SH3TC2: variants seen among roughly 807,000 people sequenced by gnomAD.
The protein encoded by SH3TC2 is SH3 domain and tetratricopeptide repeats 2.
A neutral mutation model predicts 124.5 loss-of-function variants in SH3TC2; 87 were observed. The ratio of observed to expected loss-of-function variants is 0.70; its 90% confidence interval spans 0.59 to 0.84. The LOEUF (loss-of-function observed/expected upper bound fraction) is 0.84, where lower values mean the gene tolerates loss of function less well. SH3TC2 is among the 40% of genes least tolerant of loss of function. The pLI, the probability that SH3TC2 is intolerant of heterozygous loss-of-function variation, is 0.00. For synonymous variants in SH3TC2, 634 were observed against 628.5 expected (o/e 1.01, Z -0.13); for missense variants, 1,536 against 1,566.4 (o/e 0.98, Z 0.33).
At chr5:149,041,149 G>A (rs569693132) in intron 6 of SH3TC2, among the ~76,000 whole-genome samples, 2 of 152,286 alleles carry the variant, frequency 1.3e-5, no homozygotes, top group East Asian at 1.9e-4. Flanking sequence ...TCCATACATG[G>A]AGAAACACTA....
intron 1 of SH3TC2, among the ~76,000 whole-genome samples, chr5:149,059,828 G>C (rs1430427254): frequency 6.6e-6 from 1 of 152,018 alleles, no homozygotes; most frequent in Admixed American, 6.6e-5. Flanking sequence ...AGATATCCAG[G>C]GGCCCCTAAG....
rs1205700907 is a variant in SH3TC2, at chr5:149,027,164, G to C, written c.2568C>G (p.Ala856=). The C allele has an allele frequency of 6.2e-7, 1 of 1,614,186 alleles. No homozygotes were observed. The highest frequency in any genetic ancestry group is 1.1e-5 in the South Asian group (1 of 91,084). Residue 856 remains alanine, a synonymous_variant, in exon 11 of 17, where the codon GCC becomes GCG. Transcript: ENST00000515425. ...TGTTCAAGGCCCGAAGATAGCTCTTGGCTGCCCTGTTCACCCGGCCTTCAC... is the reference window on the plus strand; with the variant it reads ...TGTTCAAGGCCCGAAGATAGCTCTTCGCTGCCCTGTTCACCCGGCCTTCAC... The part of the protein sequence containing the change: ...LQGEGRVNRA[A]KSYLRALNRA...
At chr5:149,012,549 T>C in intron 13 of SH3TC2, 35 bp downstream of exon 13, 1 of 1,613,782 alleles carries the variant, frequency 6.2e-7, no homozygotes, top group Non-Finnish European at 8.5e-7. Flanking sequence ...ATGATCCAAG[T>C]CAACAACTCC....
intron 1 of SH3TC2, among the ~76,000 whole-genome samples, chr5:149,060,855 A>G (rs1754734423): frequency 6.6e-6 from 1 of 152,246 alleles, no homozygotes; most frequent in Non-Finnish European, 1.5e-5. Flanking sequence ...TACAGTTTAC[A>G]GCCAGGAAAA....
chr5:149,059,271 A>G (rs1349470130), intron 1 of SH3TC2, among the ~76,000 whole-genome samples: 1 of 152,106 alleles, frequency 6.6e-6, no homozygotes, highest in South Asian at 2.1e-4. Context: ...ATGGGTAGGA[A>G]TGGGTAGGGA....
At chr5:149,030,645 C>T (rs561610011) in intron 9 of SH3TC2, among the ~76,000 whole-genome samples, 36 of 152,378 alleles carry the variant, frequency 2.4e-4, no homozygotes, top group Admixed American at 9.1e-4. Flanking sequence ...ATGCCTGAGG[C>T]ATGTGCTTTC....
intron 2 of SH3TC2, among the ~76,000 whole-genome samples, chr5:149,050,200 T>C (rs1754533361): frequency 6.6e-6 from 1 of 152,234 alleles, no homozygotes; most frequent in Non-Finnish European, 1.5e-5. Context: ...GCAGAACCCC[T>C]GTGCCCACAG....
intron 6 of SH3TC2, 86 bp from the exon 7 acceptor site, chr5:149,040,763 G>A: frequency 8.9e-7 from 1 of 1,117,804 alleles, no homozygotes; most frequent in East Asian, 2.4e-5. Flanking sequence ...TAATGATGAT[G>A]ATGATGAGTA....
chr5:149,005,321 G>T (rs1309738796), intron 16 of SH3TC2, among the ~76,000 whole-genome samples: 1 of 152,116 alleles, frequency 6.6e-6, no homozygotes, highest in Non-Finnish European at 1.5e-5. Context: ...GTAGCTAGAA[G>T]GGGAAAAGGC....
chr5:148,998,329 A>G lies in SH3TC2; in HGVS notation c.*6382T>C, dbSNP rs528052888. ...ATTAATATTAAATACGTTCTTTACCAATGATACACTATTTAGGAAGACATC... is the reference window on the plus strand; with the variant it reads ...ATTAATATTAAATACGTTCTTTACCGATGATACACTATTTAGGAAGACATC... On this transcript the variant is annotated 3_prime_UTR_variant, in exon 17 of 17. Transcript: ENST00000515425. Among the ~76,000 whole-genome samples, 3 of 152,346 alleles carry G rather than the reference A, an allele frequency of 2.0e-5. No homozygotes were observed. Among genetic ancestry groups the G allele is most frequent in the African/African-American group, 7.2e-5 (3 of 41,566 alleles).
In SH3TC2 at chr5:149,042,849, A is replaced by G. The variant is rs370151955; in HGVS notation, c.386-12T>C. On this transcript the variant is annotated splice_polypyrimidine_tract_variant and intron_variant, in intron 4 of 16. Coordinates refer to ENST00000515425, the MANE Select transcript of SH3TC2 (RefSeq NM_024577.4). ...CATGGATACGTAGCCTAAGAAGTCA[A>G]GCCAACAAGATTTCTGAACAAAATG... The G allele has an allele frequency of 9.9e-6, 16 of 1,614,048 alleles. No individual in the cohort carries two copies. Among genetic ancestry groups the G allele is most frequent in the Non-Finnish European group, 1.4e-5 (16 of 1,180,008 alleles).
At position 148,989,558 on chromosome 5, in the gene SH3TC2, C is replaced by G. The variant is rs563731773; in HGVS notation, c.*15153G>C. The stretch of plus-strand genomic sequence containing the variant: ...TTGGAAAATCACTCTGAAGGAAGGA[C>G]TTACATGTGAGTTTTGGGGATTGCA... On this transcript the variant is annotated 3_prime_UTR_variant, in exon 17 of 17. Coordinates refer to ENST00000515425, the MANE Select transcript of SH3TC2 (RefSeq NM_024577.4). 1.6e-4 allele frequency among the ~76,000 whole-genome samples: 24 copies of G among 152,326 alleles called. No homozygotes were observed. In the South Asian group the frequency reaches 4.4e-3, roughly 28 times the overall value.
intron 1 of SH3TC2, 85 bp from the exon 2 acceptor site, chr5:149,052,325 T>C (rs1038223799): frequency 5.9e-6 from 6 of 1,020,908 alleles, no homozygotes; most frequent in African/African-American, 3.2e-5. Context: ...TTTGGTCAAG[T>C]GACAAATTTT....
In SH3TC2 at chr5:149,051,997, A is replaced by G; in HGVS notation, c.151+145T>C. 4 of 707,910 alleles carry G rather than the reference A, an allele frequency of 5.7e-6. No individual in the cohort carries two copies. In the South Asian group the frequency reaches 5.9e-5, roughly 10 times the overall value. The allele number at this position is 707,910 out of a possible 1,614,324, so 43.9% of individuals were successfully genotyped here. ...AATTTTGTAGGCAGTGGAGTGCAAC[A>G]GAAGATTTGTGAGCAAGCAAATAGC... On this transcript the variant is annotated intron_variant, in intron 2 of 16. Transcript: ENST00000515425.
rs1339484699 is a variant in SH3TC2, at chr5:148,988,684, C to G, written c.*16027G>C. On this transcript the variant is annotated 3_prime_UTR_variant, in exon 17 of 17. Transcript: ENST00000515425. ...CCCAGCCCAGAGGAGCCTTTGATGACTCCAGCTCTGGCCACTATTGGACTG... is the reference window on the plus strand; with the variant it reads ...CCCAGCCCAGAGGAGCCTTTGATGAGTCCAGCTCTGGCCACTATTGGACTG... Among the ~76,000 whole-genome samples the G allele has an allele frequency of 6.6e-6, 1 of 152,198 alleles. No homozygotes were observed. Among genetic ancestry groups the G allele is most frequent in the East Asian group, 1.9e-4 (1 of 5,188 alleles).
intron 14 of SH3TC2, among the ~76,000 whole-genome samples, chr5:149,009,777 A>C (rs1021557936): frequency 2.0e-5 from 3 of 152,220 alleles, no homozygotes; most frequent in Admixed American, 2.0e-4. Flanking sequence ...CATCCTTCGC[A>C]ATAATATCTG....
At chr5:149,039,507 T>G (rs1257402704) in intron 7 of SH3TC2, among the ~76,000 whole-genome samples, 1 of 152,194 alleles carries the variant, frequency 6.6e-6, no homozygotes, top group Non-Finnish European at 1.5e-5. Context: ...TTTTCTGACA[T>G]TTTTGGTCAA....
rs1754107501 is a variant in SH3TC2, at chr5:149,028,141, A to G, written c.1591T>C (p.Cys531Arg). Residue 531 changes from cysteine (C) to arginine (R), a missense_variant, in exon 11 of 17, where the codon TGC becomes CGC. By Grantham distance (180) the Cys-to-Arg change is radical (BLOSUM62 -3). Coordinates refer to ENST00000515425, the MANE Select transcript of SH3TC2 (RefSeq NM_024577.4). The stretch of plus-strand genomic sequence containing the variant: ...ATGCTCAGCCGGCCCAGGAGGAAGC[A>G]GAGACGGGCATGGGCCCAGGTCATG... ...SHMTWAHARL[C>R]FLLGRLSIRK... The G allele has an allele frequency of 6.2e-7, 1 of 1,614,140 alleles. No homozygotes were observed. The highest frequency in any genetic ancestry group is 1.1e-5 in the South Asian group (1 of 91,088).
At chr5:149,030,582 A>G (rs1038307329) in intron 9 of SH3TC2, among the ~76,000 whole-genome samples, 2 of 152,244 alleles carry the variant, frequency 1.3e-5, no homozygotes, top group African/African-American at 4.8e-5. Flanking sequence ...TCATAAGGCA[A>G]TATGATCTGC....
Sources: allele counts gnomAD v4.1 joint callset (sites outside exome capture counted in the v4.1 genomes callset), GRCh38; gene constraint gnomAD v4.1.1; transcripts MANE v1.5; gene names NCBI Gene and HGNC (gene_info 2026-07-23, HGNC 2026-07-21).